The following LINGO2 variants were observed in gnomAD, a reference collection of about 807,000 sequenced individuals.
The protein encoded by LINGO2 is leucine-rich repeat and immunoglobulin-like domain-containing nogo receptor-interacting protein 2.
LINGO2 carries 14 observed loss-of-function variants against 30.6 expected under a neutral mutation model. The ratio of observed to expected loss-of-function variants is 0.46; its 90% CI spans 0.30 to 0.72. The LOEUF (loss-of-function observed/expected upper bound fraction) is 0.72, where lower values mean the gene tolerates loss of function less well. LINGO2 is among the 30% of genes least tolerant of loss of function. The pLI, the probability that LINGO2 is intolerant of heterozygous loss-of-function variation, is 0.07. For missense variants in LINGO2, 729 were observed against 751.7 expected (o/e 0.97, Z 0.35); for synonymous variants, 317 against 288.5 (o/e 1.10, Z -1.00).
At chr9:28,557,874 T>G (rs901678080) in intron 1 of LINGO2, among the ~76,000 whole-genome samples, 11 of 151,582 alleles carry the variant, frequency 7.3e-5, no homozygotes, top group Non-Finnish European at 1.5e-5. Context: ...GAAACCATCA[T>G]TCTCAGCAAA....
intron 4 of LINGO2, among the ~76,000 whole-genome samples, chr9:28,277,055 T>A (rs144663139): frequency 1.5e-3 from 225 of 152,310 alleles, no homozygotes; most frequent in African/African-American, 5.2e-3. Flanking sequence ...TTCATTTTAT[T>A]TTGCTTTGCT....
chr9:28,566,670 C>T (rs1587876611), intron 1 of LINGO2, among the ~76,000 whole-genome samples: 1 of 152,254 alleles, frequency 6.6e-6, no homozygotes, highest in East Asian at 1.9e-4. Flanking sequence ...AATTACATTT[C>T]AACCTGGCTG....
the LINGO2 span, among the ~76,000 whole-genome samples, chr9:29,025,473 C>T: frequency 6.6e-6 from 1 of 151,910 alleles, no homozygotes; most frequent in East Asian, 1.9e-4. Context: ...AGCTGATTTC[C>T]AAGACAATAT....
intron 4 of LINGO2, among the ~76,000 whole-genome samples, chr9:28,088,208 AC>A (rs1825969783): frequency 2.3e-3 from 1 of 428 alleles, no homozygotes; most frequent in Non-Finnish European, 0.017. Context: ...AATTATACAC[AC>A]ACACACACAC....
the LINGO2 span, among the ~76,000 whole-genome samples, chr9:28,810,509 T>G: frequency 6.6e-6 from 1 of 152,114 alleles, no homozygotes; most frequent in African/African-American, 2.4e-5. Context: ...ATGAGAATTG[T>G]GTTGAAAAAG....
At chr9:28,371,244 T>C (rs1820883935) in intron 3 of LINGO2, among the ~76,000 whole-genome samples, 1 of 152,234 alleles carries the variant, frequency 6.6e-6, no homozygotes, top group Admixed American at 6.5e-5. Flanking sequence ...TTTCAACCCA[T>C]TGACGTTTTA....
the LINGO2 span, among the ~76,000 whole-genome samples, chr9:29,020,233 T>C: frequency 6.6e-6 from 1 of 152,156 alleles, no homozygotes; most frequent in South Asian, 2.1e-4. Flanking sequence ...TAGTATGGAA[T>C]CCAAGGTACA....
chr9:28,847,975 A>ATATG, the LINGO2 span, among the ~76,000 whole-genome samples: 2 of 111,482 alleles, frequency 1.8e-5, no homozygotes, highest in African/African-American at 7.0e-5. Flanking sequence ...ATATATGTAT[A>ATATG]TATGTGTATA....
At chr9:28,615,846 T>C (rs1826110337) in intron 1 of LINGO2, among the ~76,000 whole-genome samples, 1 of 152,074 alleles carries the variant, frequency 6.6e-6, no homozygotes, top group South Asian at 2.1e-4. Context: ...AATAGAAATC[T>C]ATTATGTCAT....
intron 4 of LINGO2, among the ~76,000 whole-genome samples, chr9:28,266,513 C>A (rs75796205): frequency 0.11 from 17,438 of 151,966 alleles, 1,221 homozygotes; most frequent in Middle Eastern, 0.22. Flanking sequence ...CTTAGACACC[C>A]TACAATTTCA....
chr9:28,795,263 A>G, the LINGO2 span, among the ~76,000 whole-genome samples: 3 of 152,236 alleles, frequency 2.0e-5, no homozygotes, highest in East Asian at 1.9e-4. Context: ...CGTGTGCTCA[A>G]TTAATAGTTT....
At chr9:28,662,184 G>T (rs151186687) in intron 1 of LINGO2, among the ~76,000 whole-genome samples, 2 of 152,094 alleles carry the variant, frequency 1.3e-5, no homozygotes, top group Admixed American at 6.6e-5. Flanking sequence ...AGGATGCTAG[G>T]TGTCACACAA....
At chr9:27,958,071 G>A (rs1328809618) in intron 5 of LINGO2, among the ~76,000 whole-genome samples, 1 of 152,112 alleles carries the variant, frequency 6.6e-6, no homozygotes, top group Non-Finnish European at 1.5e-5. Context: ...CATTAAGTTT[G>A]ATGTTAGCTG....
At chr9:28,061,789 G>A (rs978622884) in intron 4 of LINGO2, among the ~76,000 whole-genome samples, 1 of 151,998 alleles carries the variant, frequency 6.6e-6, no homozygotes, top group African/African-American at 2.4e-5. Context: ...TAAGAACTTC[G>A]ACTTGGAAAC....
chr9:28,624,653 C>T (rs2135843928), intron 1 of LINGO2, among the ~76,000 whole-genome samples: 1 of 149,670 alleles, frequency 6.7e-6, no homozygotes, highest in African/African-American at 2.5e-5. Flanking sequence ...TGTGTCTTTT[C>T]CTGTTTTTGG....
the LINGO2 span, among the ~76,000 whole-genome samples, chr9:28,888,107 G>A: frequency 6.6e-6 from 1 of 152,058 alleles, no homozygotes; most frequent in East Asian, 1.9e-4. Context: ...ATTTTTCTAA[G>A]TGAATTTGAA....
At chr9:28,010,414 C>T (rs1468025459) in intron 5 of LINGO2, among the ~76,000 whole-genome samples, 1 of 152,178 alleles carries the variant, frequency 6.6e-6, no homozygotes, top group Non-Finnish European at 1.5e-5. Flanking sequence ...CCTTTCCTCA[C>T]CCATATGATA....
intron 1 of LINGO2, among the ~76,000 whole-genome samples, chr9:28,536,684 G>A (rs1587820657): frequency 6.6e-6 from 1 of 152,086 alleles, no homozygotes; most frequent in African/African-American, 2.4e-5. Flanking sequence ...TCAAAATCTA[G>A]TTAAGATATC....
chr9:28,463,270 G>T (rs886477188), intron 2 of LINGO2, among the ~76,000 whole-genome samples: 1 of 151,988 alleles, frequency 6.6e-6, no homozygotes, highest in African/African-American at 2.4e-5. Flanking sequence ...TTTCAATTTA[G>T]TGTGAAGAAA....
Sources: gnomAD v4.1 joint callset for allele counts (sites outside exome capture counted in the v4.1 genomes callset) on GRCh38, gnomAD v4.1.1 for gene constraint, MANE v1.5 for transcripts, NCBI Gene and HGNC (gene_info 2026-07-23, HGNC 2026-07-21) for gene names.